The following CRISPLD1 variants were observed in gnomAD, a reference collection of about 807,000 sequenced individuals.
The protein encoded by CRISPLD1 is cysteine-rich secretory protein LCCL domain-containing 1.
In CRISPLD1, 60 loss-of-function variants were observed where a neutral mutation model predicts 77.5. That is an observed-to-expected ratio of 0.77 (90% CI 0.63 to 0.96). CRISPLD1 has a LOEUF of 0.96. CRISPLD1 is among the 40% of genes least tolerant of loss of function. CRISPLD1 has a pLI of 0.00. For missense variants in CRISPLD1, 623 were observed against 615.8 expected (o/e 1.01, Z -0.12); for synonymous variants, 195 against 200.1 (o/e 0.97, Z 0.22).
chr8:75,011,107 T>C (rs562484075), intron 2 of CRISPLD1, among the ~76,000 whole-genome samples: 1 of 115,034 alleles, frequency 8.7e-6, no homozygotes, highest in Non-Finnish European at 1.7e-5. Flanking sequence ...AGTTTAAATT[T>C]CTTTTTTTTT....
In CRISPLD1 at chr8:75,025,718, A is replaced by C. The variant is rs10091982; in HGVS notation, c.1320+97A>C. The C allele has an allele frequency of 4.4e-3, 2,163 of 492,418 alleles. 43 individuals are homozygous for C. Among genetic ancestry groups the C allele is most frequent in the African/African-American group, 0.039 (1,945 of 50,498 alleles). 30.5% of individuals were successfully genotyped at this position (492,418 alleles called of 1,614,324 possible). A position where few individuals can be genotyped will look rare whatever the true frequency, so the allele number is the denominator to read the frequency against. On this transcript the variant is annotated intron_variant, in intron 13 of 14. Coordinates refer to ENST00000262207, the MANE Select transcript of CRISPLD1 (RefSeq NM_031461.6). ...TATATGTACATTTATATACAGAGCGAAGAAACAGACTTTGTTAATGTGTGT... is the reference window on the plus strand; with the variant it reads ...TATATGTACATTTATATACAGAGCGCAGAAACAGACTTTGTTAATGTGTGT...
intron 12 of CRISPLD1, among the ~76,000 whole-genome samples, chr8:75,021,021 A>G (rs1439601217): frequency 3.3e-5 from 5 of 152,196 alleles, no homozygotes; most frequent in African/African-American, 4.8e-5. Flanking sequence ...AGTTCTACAC[A>G]CACTATTTCC....
chr8:75,026,632 C>A (rs2128788615), intron 13 of CRISPLD1: 1 of 152,216 alleles, frequency 6.6e-6, no homozygotes, highest in Non-Finnish European at 1.5e-5. Context: ...CACTTAGAAA[C>A]CATTACAGAT....
chr8:75,015,446 C>T (rs1813011536), intron 6 of CRISPLD1, among the ~76,000 whole-genome samples: 2 of 152,040 alleles, frequency 1.3e-5, no homozygotes, highest in Admixed American at 6.6e-5. Context: ...GTAGTACTGT[C>T]AAATGCATTT....
At chr8:74,992,319 A>G (rs572123597) in intron 2 of CRISPLD1, among the ~76,000 whole-genome samples, 4 of 152,232 alleles carry the variant, frequency 2.6e-5, no homozygotes, top group African/African-American at 9.6e-5. Context: ...TAGTTTTTCA[A>G]ATTTTCATGA....
intron 2 of CRISPLD1, among the ~76,000 whole-genome samples, chr8:75,011,982 T>C (rs1812939634): frequency 6.6e-6 from 1 of 152,118 alleles, no homozygotes; most frequent in Admixed American, 6.6e-5. Flanking sequence ...AAAAGTATTT[T>C]ATAAAGCTGG....
intron 10 of CRISPLD1, 112 bp downstream of exon 10, chr8:75,017,562 A>G: frequency 1.1e-6 from 1 of 940,314 alleles, no homozygotes. Flanking sequence ...GAATTTGGTT[A>G]TTTTCAAGGT....
At chr8:75,010,814 A>G (rs980487239) in intron 2 of CRISPLD1, among the ~76,000 whole-genome samples, 4 of 151,956 alleles carry the variant, frequency 2.6e-5, no homozygotes, top group Non-Finnish European at 5.9e-5. Context: ...CTCATTCTAT[A>G]TAATATTCCC....
In CRISPLD1 at chr8:74,984,661, C is replaced by T. The variant is rs918469806; in HGVS notation, c.-322C>T. On this transcript the variant is annotated 5_prime_UTR_variant, in exon 1 of 15. In the 5' UTR this introduces an upstream ATG that the reference lacks. Transcript: ENST00000262207. ...TGGGGCGCCCACCCTGGCAGACTAA[C>T]GAAGCAGCTCCCTTCCCACCCCAAC... 2 of 152,312 alleles carry T rather than the reference C, an allele frequency of 1.3e-5. No individual in the cohort carries two copies. The highest frequency in any genetic ancestry group is 2.9e-5 in the Non-Finnish European group (2 of 68,098). 9.4% of individuals were successfully genotyped at this position (152,312 alleles called of 1,614,324 possible). A position where few individuals can be genotyped will look rare whatever the true frequency, so the allele number is the denominator to read the frequency against.
chr8:75,028,201 A>C (rs1273868771), intron 13 of CRISPLD1, among the ~76,000 whole-genome samples: 1 of 152,194 alleles, frequency 6.6e-6, no homozygotes, highest in Admixed American at 6.6e-5. Context: ...TCTTTGAGTA[A>C]GGATGCAGGT....
chr8:75,009,927 G>A (rs1300655389), intron 2 of CRISPLD1, among the ~76,000 whole-genome samples: 1 of 152,010 alleles, frequency 6.6e-6, no homozygotes, highest in Non-Finnish European at 1.5e-5. Flanking sequence ...AAGTTAAATG[G>A]TAAAGTTAAT....
chr8:75,014,123 G>A (rs767254035), intron 5 of CRISPLD1, 21 bp downstream of exon 5: 18 of 1,407,788 alleles, frequency 1.3e-5, no homozygotes, highest in South Asian at 9.3e-5. Flanking sequence ...AAAACACTAC[G>A]TTCAGATGTA....
chr8:75,017,588 G>A (rs1813057308), intron 10 of CRISPLD1, 138 bp downstream of exon 10: 2 of 757,614 alleles, frequency 2.6e-6, no homozygotes, highest in Non-Finnish European at 3.9e-6. Flanking sequence ...TTAGCTTGTA[G>A]TTTTCTTAGA....
intron 12 of CRISPLD1, 79 bp from the exon 13 acceptor site, chr8:75,025,467 C>A: frequency 2.1e-6 from 1 of 472,398 alleles, no homozygotes; most frequent in Non-Finnish European, 3.5e-6. Context: ...TTTGTGTATG[C>A]ATATCTGTGG....
intron 2 of CRISPLD1, among the ~76,000 whole-genome samples, chr8:75,007,298 G>T (rs748729623): frequency 1.3e-5 from 2 of 152,088 alleles, no homozygotes; most frequent in African/African-American, 4.8e-5. Context: ...TGAAAAAGTT[G>T]TATCACTAAT....
At chr8:75,016,752 G>T (rs748507155) in intron 7 of CRISPLD1, 47 bp downstream of exon 7, 1 of 1,570,656 alleles carries the variant, frequency 6.4e-7, no homozygotes, top group Non-Finnish European at 8.6e-7. Context: ...TACATAAATG[G>T]TATATCCATC....
intron 4 of CRISPLD1, among the ~76,000 whole-genome samples, chr8:75,013,589 A>G (rs1414714785): frequency 6.6e-6 from 1 of 152,148 alleles, no homozygotes; most frequent in African/African-American, 2.4e-5. Context: ...TGAAAAGATC[A>G]TGTTGTATAA....
chr8:75,026,345 T>C (rs990840849), intron 13 of CRISPLD1: 3 of 152,470 alleles, frequency 2.0e-5, no homozygotes, highest in Admixed American at 6.5e-5. Context: ...GTGCCAGGCC[T>C]GTTAAGTGCT....
At chr8:75,021,939 A>T (rs2128787481) in intron 12 of CRISPLD1, among the ~76,000 whole-genome samples, 1 of 152,270 alleles carries the variant, frequency 6.6e-6, no homozygotes, top group South Asian at 2.1e-4. Flanking sequence ...AATAATAAGG[A>T]GGGTCTCTGT....
Sources: gnomAD v4.1 joint callset for allele counts (sites outside exome capture counted in the v4.1 genomes callset) on GRCh38, gnomAD v4.1.1 for gene constraint, MANE v1.5 for transcripts, NCBI Gene and HGNC (gene_info 2026-07-23, HGNC 2026-07-21) for gene names.